The following ACSL5 variants were observed in gnomAD, a reference collection of about 807,000 sequenced individuals.
ACSL5 encodes acyl-CoA synthetase long chain family member 5.
Under a neutral mutation model 84.9 loss-of-function variants are expected in ACSL5, and 50 were observed. The ratio of observed to expected loss-of-function variants is 0.59; its 90% CI spans 0.47 to 0.75. The LOEUF (loss-of-function observed/expected upper bound fraction) is 0.75. ACSL5 is among the 30% of genes least tolerant of loss of function. The pLI, the probability that ACSL5 is intolerant of heterozygous loss-of-function variation, is 0.00. For synonymous variants in ACSL5, 280 were observed against 300.7 expected (o/e 0.93, Z 0.71); for missense variants, 775 against 830.4 (o/e 0.93, Z 0.82).
In ACSL5 at chr10:112,394,929, C is replaced by T. The variant is rs1201904242; in HGVS notation, c.-18C>T. On this transcript the variant is annotated 5_prime_UTR_variant, in exon 2 of 21. Transcript: ENST00000354655. ...GTTTTTTTTTTAAGGTCTGAATTTC[C>T]TGCTGCTGTTCACAAAGATGCTTTT... The T allele has an allele frequency of 1.2e-6, 2 of 1,612,562 alleles. No individual in the cohort carries two copies. The highest frequency in any genetic ancestry group is 1.7e-6 in the Non-Finnish European group (2 of 1,179,802).
At chr10:112,380,479 ACTAAAGATGGAC>A (rs1427853361) in intron 1 of ACSL5, among the ~76,000 whole-genome samples, 4 of 148,720 alleles carry the variant, frequency 2.7e-5, no homozygotes, top group African/African-American at 9.9e-5. Context: ...CAACCTTTTA[ACTAAAGATGGAC>A]CCTCCACCTC....
intron 1 of ACSL5, among the ~76,000 whole-genome samples, chr10:112,385,477 A>C (rs1849431180): frequency 6.6e-6 from 1 of 152,252 alleles, no homozygotes. Context: ...CGTCAAATGT[A>C]CATTTCCACA....
At chr10:112,401,839 TCTTCCTTCCTTC>T (rs59769866) in intron 3 of ACSL5, among the ~76,000 whole-genome samples, 11 of 92,098 alleles carry the variant, frequency 1.2e-4, no homozygotes, top group Non-Finnish European at 9.1e-5. Context: ...TTTCTTTCTT[TCTTCCTTCCTTC>T]CTTCCTTTCT....
intron 14 of ACSL5, chr10:112,419,875 C>G (rs1310750762): frequency 6.6e-6 from 1 of 152,166 alleles, no homozygotes; most frequent in Non-Finnish European, 1.5e-5. Flanking sequence ...GGCAAACTTA[C>G]CATTTTCCAT....
intron 1 of ACSL5, among the ~76,000 whole-genome samples, chr10:112,391,621 G>A (rs1843641581): frequency 1.3e-5 from 2 of 152,182 alleles, no homozygotes; most frequent in African/African-American, 4.8e-5. Context: ...GTCTCGTTCT[G>A]TTTGTGGGCA....
chr10:112,410,567 T>G lies in ACSL5; in HGVS notation c.745-17T>G. Reference sequence around the variant, plus strand: ...CAAAGTTCATGGTGGAATAAGCCCTTGTGCTTCCTCCTCCAGCCTCCTAGC... The same window carrying G: ...CAAAGTTCATGGTGGAATAAGCCCTGGTGCTTCCTCCTCCAGCCTCCTAGC... On this transcript the variant is annotated splice_polypyrimidine_tract_variant and intron_variant, in intron 8 of 20. Transcript: ENST00000354655. 6.2e-7 allele frequency: 1 copy of G among 1,614,168 alleles called. No homozygotes were observed.
intron 1 of ACSL5, among the ~76,000 whole-genome samples, chr10:112,384,089 G>T (rs1849403593): frequency 6.6e-6 from 1 of 152,030 alleles, no homozygotes; most frequent in African/African-American, 2.4e-5. Context: ...GGGAGGCTGA[G>T]GCATGAGAAT....
Position 112,399,004 on chromosome 10 carries a change from T to C in ACSL5, c.260T>C (p.Val87Ala). ...GAGGTTTTCCAAAGAGGACTCGCTG[T>C]GTCTGGTAAGCCTGGTGGTCTGTCC... is the stretch of plus-strand genomic sequence containing the variant. ...MYEVFQRGLA[V>A]SDNGPCLGYR... is the part of the protein sequence containing the mutation. Residue 87 changes from valine to alanine, a missense_variant, in exon 3 of 21, where the codon GTG (valine) becomes GCG (alanine). Coordinates refer to ENST00000354655, the MANE Select transcript of ACSL5 (RefSeq NM_203379.2). The C allele has an allele frequency of 1.2e-6, 2 of 1,613,328 alleles. No individual in the cohort carries two copies. The highest frequency in any genetic ancestry group is 1.7e-6 in the Non-Finnish European group (2 of 1,179,290).
intron 7 of ACSL5, chr10:112,410,180 A>G: frequency 1.3e-5 from 19 of 1,428,740 alleles, no homozygotes; most frequent in Non-Finnish European, 1.8e-5. Context: ...TCTTTCAAAA[A>G]AGATTTAGTT....
intron 7 of ACSL5, chr10:112,410,200 G>T: frequency 6.7e-7 from 1 of 1,484,082 alleles, no homozygotes; most frequent in Non-Finnish European, 9.0e-7. Context: ...TAGGGCCCTA[G>T]ATGACTGAAA....
intron 5 of ACSL5, among the ~76,000 whole-genome samples, chr10:112,405,785 T>C (rs1338353980): frequency 6.6e-6 from 1 of 152,198 alleles, no homozygotes; most frequent in East Asian, 1.9e-4. Flanking sequence ...ATATTTTGTA[T>C]GTTATATGTA....
At chr10:112,395,227 A>T in intron 2 of ACSL5, 125 bp downstream of exon 2, 1 of 923,966 alleles carries the variant, frequency 1.1e-6, no homozygotes, top group East Asian at 2.6e-5. Context: ...TCATGTTACC[A>T]ATCAACAGGC....
intron 14 of ACSL5, 144 bp downstream of exon 14, chr10:112,418,085 C>T: frequency 3.0e-6 from 2 of 664,994 alleles, no homozygotes; most frequent in South Asian, 4.1e-5. Context: ...ATCCTTCTAA[C>T]CATCTCTTCA....
chr10:112,413,791 A>AAG (rs1406693529), intron 12 of ACSL5, among the ~76,000 whole-genome samples: 2 of 152,210 alleles, frequency 1.3e-5, no homozygotes, highest in African/African-American at 4.8e-5. Flanking sequence ...TTCCTTGGAT[A>AAG]AGATGACTTG....
intron 1 of ACSL5, among the ~76,000 whole-genome samples, chr10:112,389,987 G>A (rs903216233): frequency 1.3e-5 from 2 of 152,126 alleles, no homozygotes; most frequent in Non-Finnish European, 2.9e-5. Context: ...CCAGCACTTT[G>A]GGAGGCTGAG....
chr10:112,376,940 G>T (rs927779470), intron 1 of ACSL5, among the ~76,000 whole-genome samples: 2 of 151,858 alleles, frequency 1.3e-5, no homozygotes, highest in Non-Finnish European at 2.9e-5. Flanking sequence ...ACTCCCTGAG[G>T]GTCCTAAGGT....
chr10:112,381,654 T>G (rs1225134036), intron 1 of ACSL5, among the ~76,000 whole-genome samples: 2 of 108,608 alleles, frequency 1.8e-5, no homozygotes, highest in African/African-American at 7.5e-5. Flanking sequence ...GGTGACAGAG[T>G]GAGACTGTCT....
At chr10:112,400,459 G>A (rs1004066225) in intron 3 of ACSL5, among the ~76,000 whole-genome samples, 4 of 138,428 alleles carry the variant, frequency 2.9e-5, no homozygotes, top group African/African-American at 1.1e-4. Context: ...GCCCAGGCTG[G>A]AGTGCAGTGG....
chr10:112,403,087 C>G (rs1843943592), intron 3 of ACSL5, among the ~76,000 whole-genome samples: 1 of 152,148 alleles, frequency 6.6e-6, no homozygotes, highest in Non-Finnish European at 1.5e-5. Flanking sequence ...AGTGTGTGCA[C>G]ACCTCTGTGT....
Sources: gnomAD v4.1 joint callset for allele counts (sites outside exome capture counted in the v4.1 genomes callset) on GRCh38, gnomAD v4.1.1 for gene constraint, MANE v1.5 for transcripts, NCBI Gene and HGNC (gene_info 2026-07-23, HGNC 2026-07-21) for gene names.